CARMIL1: variants seen among roughly 807,000 people sequenced by gnomAD.
CARMIL1 encodes capping protein regulator and myosin 1 linker 1.
CARMIL1 carries 90 observed loss-of-function variants against 177.1 expected under a neutral mutation model. That is an observed-to-expected ratio of 0.51 (90% CI 0.43 to 0.61). The LOEUF (loss-of-function observed/expected upper bound fraction) is 0.61. CARMIL1 is among the 20% of genes least tolerant of loss of function. The pLI is 0.00. For synonymous variants in CARMIL1, 577 were observed against 606.2 expected (o/e 0.95, Z 0.71); for missense variants, 1,380 against 1,667.0 (o/e 0.83, Z 3.00).
intron 23 of CARMIL1, among the ~76,000 whole-genome samples, chr6:25,527,273 T>C (rs900048242): frequency 1.3e-5 from 2 of 152,152 alleles, no homozygotes; most frequent in Non-Finnish European, 2.9e-5. Context: ...TTGGTGGTGG[T>C]GTATACAGGC....
chr6:25,569,866 T>A (rs746853158), intron 29 of CARMIL1, among the ~76,000 whole-genome samples: 21 of 152,368 alleles, frequency 1.4e-4, no homozygotes, highest in Middle Eastern at 3.4e-3. Context: ...CAGTAGGGTT[T>A]TCCCCTTTGT....
intron 2 of CARMIL1, among the ~76,000 whole-genome samples, chr6:25,381,063 G>A (rs1791477017): frequency 1.3e-5 from 2 of 152,112 alleles, no homozygotes; most frequent in South Asian, 4.1e-4. Flanking sequence ...TAACTTAGTT[G>A]CCAAAATTCC....
chr6:25,342,743 T>C (rs1787071008), intron 2 of CARMIL1, among the ~76,000 whole-genome samples: 1 of 152,218 alleles, frequency 6.6e-6, no homozygotes, highest in Non-Finnish European at 1.5e-5. Flanking sequence ...TTTCTCTATA[T>C]TTAAATACTT....
chr6:25,438,216 GCAC>G (rs1797398658), intron 5 of CARMIL1, among the ~76,000 whole-genome samples: 4 of 152,162 alleles, frequency 2.6e-5, no homozygotes, highest in Admixed American at 1.3e-4. Flanking sequence ...ATCACTTCCT[GCAC>G]TAGTACACAT....
Position 25,421,248 on chromosome 6 carries a change from A to G in CARMIL1, c.189+1084A>G, listed in dbSNP as rs12204817. On this transcript the variant is annotated intron_variant, in intron 3 of 36. Transcript: ENST00000329474. ...AGACACTTCTCAAAAGAAGACATTT[A>G]TGCAGCCAAAAAACACATGAAAAAA... is the stretch of plus-strand genomic sequence containing the variant. Among the ~76,000 whole-genome samples, 1,051 of 152,342 alleles carry G rather than the reference A, an allele frequency of 6.9e-3. 3 individuals are homozygous for G. Among genetic ancestry groups the G allele is most frequent in the Non-Finnish European group, 0.012 (844 of 68,020 alleles).
Position 25,606,427 on chromosome 6 carries a change from A to G in CARMIL1, c.3847+154A>G, listed in dbSNP as rs181483096. Among the ~76,000 whole-genome samples, 10 of 152,312 alleles carry G rather than the reference A, an allele frequency of 6.6e-5. No individual in the cohort carries two copies. In the East Asian group the frequency reaches 1.7e-3, roughly 26 times the overall value. On this transcript the variant is annotated intron_variant, in intron 35 of 36. Coordinates refer to ENST00000329474, the MANE Select transcript of CARMIL1 (RefSeq NM_017640.6). Reference sequence around the variant, plus strand: ...CACAAGAAACCTATGCAAAGCTGTGAAAGTGATGAGAGCTGACGGATTCTT... The same window carrying G: ...CACAAGAAACCTATGCAAAGCTGTGGAAGTGATGAGAGCTGACGGATTCTT...
At chr6:25,356,530 A>G (rs1788634250) in intron 2 of CARMIL1, among the ~76,000 whole-genome samples, 1 of 152,214 alleles carries the variant, frequency 6.6e-6, no homozygotes, top group Non-Finnish European at 1.5e-5. Context: ...GTAGGGTGTA[A>G]ACCTCACCAA....
At chr6:25,388,663 C>T (rs1331678087) in intron 2 of CARMIL1, among the ~76,000 whole-genome samples, 2 of 151,968 alleles carry the variant, frequency 1.3e-5, no homozygotes, top group East Asian at 1.9e-4. Context: ...CGCACCTGGC[C>T]TTTTTTTATT....
chr6:25,608,247 TGAGAGAGAGAAAAA>T (rs1271052201), intron 35 of CARMIL1, among the ~76,000 whole-genome samples: 2 of 151,998 alleles, frequency 1.3e-5, no homozygotes, highest in Admixed American at 6.5e-5. Context: ...GCAGATATTT[TGAGAGAGAGAAAAA>T]GAGAGAGAGA....
intron 2 of CARMIL1, among the ~76,000 whole-genome samples, chr6:25,368,829 C>G (rs1207453953): frequency 6.6e-6 from 1 of 152,042 alleles, no homozygotes; most frequent in Non-Finnish European, 1.5e-5. Context: ...TCTTCCTTGT[C>G]CCAGACTCAT....
Position 25,604,854 on chromosome 6 carries a change from G to A in CARMIL1, c.3595G>A (p.Ala1199Thr). The change falls in exon 34 of 37, where the codon GCT becomes ACT. Residue 1199 changes from alanine (A) to threonine (T), a missense_variant. By Grantham distance (58) the Ala-to-Thr change is moderately conservative. Coordinates refer to ENST00000329474, the MANE Select transcript of CARMIL1 (RefSeq NM_017640.6). The stretch of plus-strand genomic sequence containing the variant: ...CGTATCCCAGGATTCTTCCAGCCCA[G>A]CTTTGAGCGGCGTAGAACGGTCGGA... Reference protein sequence around the residue: ...DAVSQDSSSPALSGVERSDGG... With the variant: ...DAVSQDSSSPTLSGVERSDGG... 6.3e-7 allele frequency: 1 copy of A among 1,598,528 alleles called. No homozygotes were observed. Among genetic ancestry groups the A allele is most frequent in the Non-Finnish European group, 8.5e-7 (1 of 1,172,994 alleles).
chr6:25,504,575 TC>T (rs1418064859), intron 17 of CARMIL1, among the ~76,000 whole-genome samples: 2 of 152,218 alleles, frequency 1.3e-5, no homozygotes, highest in African/African-American at 4.8e-5. Context: ...TGGTCTATAT[TC>T]TTTTGGATCT....
intron 22 of CARMIL1, among the ~76,000 whole-genome samples, chr6:25,518,904 G>A (rs1471216655): frequency 6.6e-6 from 1 of 152,174 alleles, no homozygotes. Context: ...AAGACATATC[G>A]TCTCTTAGTT....
chr6:25,463,971 C>T (rs301399), intron 8 of CARMIL1, among the ~76,000 whole-genome samples: 33,493 of 151,098 alleles, frequency 0.22, 4,110 homozygotes, highest in East Asian at 0.36. Flanking sequence ...TACAGGCGCC[C>T]GCCACTACGC....
At chr6:25,494,083 ATATTATTAT>A (rs145242367) in intron 15 of CARMIL1, among the ~76,000 whole-genome samples, 1 of 149,020 alleles carries the variant, frequency 6.7e-6, no homozygotes, top group Non-Finnish European at 1.5e-5. Context: ...TATACATTAA[ATATTATTAT>A]TATTATTATT....
At position 25,528,878 on chromosome 6, in the gene CARMIL1, C is replaced by G. The variant is rs1807433075; in HGVS notation, c.2052C>G (p.Thr684=). The change falls in exon 24 of 37, where the codon ACC becomes ACG. Residue 684 remains threonine, a synonymous_variant. Coordinates refer to ENST00000329474, the MANE Select transcript of CARMIL1 (RefSeq NM_017640.6). ...QAYRLQQGIV[T]STTQQMIDRI... is the part of the protein sequence containing the mutation. The stretch of plus-strand genomic sequence containing the variant: ...ACCGCCTGCAGCAGGGTATTGTCAC[C>G]AGCACCACCCAGCAGGTAAGCGAGC... The G allele has an allele frequency of 1.2e-6, 2 of 1,607,746 alleles. No homozygotes were observed. Among genetic ancestry groups the G allele is most frequent in the East Asian group, 4.5e-5 (2 of 44,648 alleles).
rs1433566214 is a variant in CARMIL1 at position 25,326,016 on chromosome 6, C to T, written c.138+41107C>T. Among the ~76,000 whole-genome samples, 2 of 152,022 alleles carry T rather than the reference C, an allele frequency of 1.3e-5. No homozygotes were observed. Among genetic ancestry groups the T allele is most frequent in the Non-Finnish European group, 2.9e-5 (2 of 68,004 alleles). ...TCCCTAGCAGTTGGGACTACAGGCG[C>T]GCACCAGCTCGCCCGGCTAATTTTT... On this transcript the variant is annotated intron_variant, in intron 2 of 36. Coordinates refer to ENST00000329474, the MANE Select transcript of CARMIL1 (RefSeq NM_017640.6). This position sits in a 1 kb window ranked among gnomAD's most constrained non-coding sequence, Gnocchi z 4.2.
chr6:25,351,087 G>T (rs1788064871), intron 2 of CARMIL1, among the ~76,000 whole-genome samples: 1 of 152,090 alleles, frequency 6.6e-6, no homozygotes, highest in South Asian at 2.1e-4. Flanking sequence ...TAACTCTTAA[G>T]GGTCTAGATC....
chr6:25,322,527 C>T (rs982992796), intron 2 of CARMIL1, among the ~76,000 whole-genome samples: 1 of 152,186 alleles, frequency 6.6e-6, no homozygotes, highest in African/African-American at 2.4e-5. Flanking sequence ...CACAAAAATA[C>T]ACAAACTTTA....
Sources: gnomAD v4.1 joint callset for allele counts (sites outside exome capture counted in the v4.1 genomes callset) on GRCh38, gnomAD v4.1.1 for gene constraint, Gnocchi (gnomAD v3.1) non-coding constraint, MANE v1.5 for transcripts, NCBI Gene and HGNC (gene_info 2026-07-23, HGNC 2026-07-21) for gene names.